Variants in ELP4 observed in about 807,000 individuals in gnomAD.
ELP4 encodes the protein elongator complex protein 4.
In ELP4, 51 loss-of-function variants were observed where a neutral mutation model predicts 48.9. The ratio of observed to expected loss-of-function variants is 1.04; its 90% CI spans 0.83 to 1.32. The LOEUF (loss-of-function observed/expected upper bound fraction) is 1.32. Among genes scored for constraint, ELP4 ranks in the 40% most tolerant of loss-of-function variants. The pLI, the probability that ELP4 is intolerant of heterozygous loss-of-function variation, is 0.00. For synonymous variants in ELP4, 210 were observed against 189.2 expected (o/e 1.11, Z -0.90); for missense variants, 519 against 514.6 (o/e 1.01, Z -0.08).
Position 31,787,855 on chromosome 11 carries a change from T to C in ELP4, c.*4331T>C. The C allele has an allele frequency of 4.5e-6, 1 of 224,330 alleles. No individual in the cohort carries two copies. The highest frequency in any genetic ancestry group is 8.9e-6 in the Non-Finnish European group (1 of 112,408). 13.9% of individuals were successfully genotyped at this position (224,330 alleles called of 1,614,324 possible). A position where few individuals can be genotyped will look rare whatever the true frequency, so the allele number is the denominator to read the frequency against. ...AGATATTGAACGAGAAGGTCATGTT[T>C]AAATCCTTCCATTAATTTCTACATT... On this transcript the variant is annotated 3_prime_UTR_variant, in exon 10 of 10. Transcript: ENST00000640961.
intron 7 of ELP4, among the ~76,000 whole-genome samples, chr11:31,641,161 G>A (rs1430794581): frequency 2.6e-5 from 4 of 151,878 alleles, no homozygotes; most frequent in Non-Finnish European, 5.9e-5. Context: ...CATAATATCT[G>A]TAAACTCAGA....
At chr11:31,707,085 G>A (rs999148921) in intron 9 of ELP4, 12 of 397,790 alleles carry the variant, frequency 3.0e-5, no homozygotes, top group Non-Finnish European at 5.3e-5. Context: ...CCTTTCCTTT[G>A]GAGAAATTCC....
intron 5 of ELP4, among the ~76,000 whole-genome samples, chr11:31,619,100 G>C (rs906006844): frequency 6.6e-6 from 1 of 151,916 alleles, no homozygotes; most frequent in Non-Finnish European, 1.5e-5. Context: ...GTAGTAGCTG[G>C]TAAATGAGAT....
chr11:31,781,755 C>G (rs192007295), intron 9 of ELP4, among the ~76,000 whole-genome samples: 1 of 152,098 alleles, frequency 6.6e-6, no homozygotes, highest in Non-Finnish European at 1.5e-5. Context: ...CCTCAGCTTC[C>G]CAAAGTGCTG....
At chr11:31,771,234 TAG>T (rs758323103) in intron 9 of ELP4, among the ~76,000 whole-genome samples, 8 of 152,190 alleles carry the variant, frequency 5.3e-5, no homozygotes, top group Non-Finnish European at 1.0e-4. Context: ...AGTCACTTAG[TAG>T]CTAGAATGTT....
At chr11:31,741,793 G>A (rs1445277110) in intron 9 of ELP4, among the ~76,000 whole-genome samples, 1 of 152,128 alleles carries the variant, frequency 6.6e-6, no homozygotes, top group Non-Finnish European at 1.5e-5. Context: ...ACAAAGATGG[G>A]AATAAAACAG....
chr11:31,515,434 G>C (rs1956093473), intron 1 of ELP4, among the ~76,000 whole-genome samples: 1 of 152,102 alleles, frequency 6.6e-6, no homozygotes, highest in Admixed American at 6.5e-5. Flanking sequence ...GCTAGTTTGA[G>C]CCCAGGAGTT....
intron 5 of ELP4, among the ~76,000 whole-genome samples, chr11:31,616,077 T>C (rs1380013704): frequency 3.3e-5 from 5 of 152,224 alleles, no homozygotes; most frequent in South Asian, 4.1e-4. Context: ...TTTAGTTTAC[T>C]TAAAGTTACA....
At chr11:31,776,213 T>A (rs924393979) in intron 9 of ELP4, among the ~76,000 whole-genome samples, 65 of 150,486 alleles carry the variant, frequency 4.3e-4, no homozygotes, top group Non-Finnish European at 1.0e-4. Flanking sequence ...CTTAGCCCTG[T>A]AATTCCTCAC....
At chr11:31,561,800 C>G (rs1490056511) in intron 3 of ELP4, among the ~76,000 whole-genome samples, 1 of 151,994 alleles carries the variant, frequency 6.6e-6, no homozygotes, top group Admixed American at 6.6e-5. Flanking sequence ...TATGTATAAA[C>G]TTAATAAAAT....
At chr11:31,619,588 G>C (rs570842833) in intron 5 of ELP4, among the ~76,000 whole-genome samples, 8 of 151,716 alleles carry the variant, frequency 5.3e-5, no homozygotes, top group Non-Finnish European at 8.8e-5. Context: ...TTTTAAGACA[G>C]TGTTAATCTA....
chr11:31,599,305 T>G (rs1020117878), intron 4 of ELP4: 4 of 152,224 alleles, frequency 2.6e-5, no homozygotes, highest in Non-Finnish European at 5.9e-5. Flanking sequence ...GTATCCAATT[T>G]AGAAAATAGA....
intron 9 of ELP4, among the ~76,000 whole-genome samples, chr11:31,709,655 TTA>T (rs1946700687): frequency 1.3e-5 from 2 of 152,268 alleles, no homozygotes; most frequent in African/African-American, 4.8e-5. Flanking sequence ...CCTTATTTCC[TTA>T]TCTTGAATAA....
At chr11:31,529,590 T>C (rs541482920) in intron 2 of ELP4, among the ~76,000 whole-genome samples, 1 of 152,300 alleles carries the variant, frequency 6.6e-6, no homozygotes, top group South Asian at 2.1e-4. Flanking sequence ...GCCCATCAAA[T>C]TAAATAGTGC....
At chr11:31,534,172 C>A (rs1041050421) in intron 2 of ELP4, among the ~76,000 whole-genome samples, 1 of 152,004 alleles carries the variant, frequency 6.6e-6, no homozygotes, top group Non-Finnish European at 1.5e-5. Context: ...CGTGGAATGA[C>A]ATTAGCATGG....
chr11:31,632,381 C>T lies in ELP4; in HGVS notation c.903C>T (p.Ile301=). ...LLRTSLSACI[I]TMPTHLIQNK... ...GAACCTCTCTTTCAGCCTGCATCAT[C>T]ACAATGCCAACACATCTGATCCAGG... is the stretch of plus-strand genomic sequence containing the variant. Residue 301 remains isoleucine, a synonymous_variant, in exon 7 of 10, where the codon ATC becomes ATT. Transcript: ENST00000640961. 6.2e-7 allele frequency: 1 copy of T among 1,611,544 alleles called. No homozygotes were observed. Among genetic ancestry groups the T allele is most frequent in the Non-Finnish European group, 8.5e-7 (1 of 1,179,106 alleles).
At chr11:31,741,059 A>G (rs1947434429) in intron 9 of ELP4, among the ~76,000 whole-genome samples, 1 of 151,998 alleles carries the variant, frequency 6.6e-6, no homozygotes, top group Non-Finnish European at 1.5e-5. Context: ...CACTTTTCCA[A>G]TGGGCTTAAA....
At chr11:31,770,936 T>C (rs1948129101) in intron 9 of ELP4, among the ~76,000 whole-genome samples, 1 of 152,096 alleles carries the variant, frequency 6.6e-6, no homozygotes, top group African/African-American at 2.4e-5. Context: ...AGTTTGTTCT[T>C]TGTCAATGCA....
chr11:31,707,610 T>C (rs1298576005), intron 9 of ELP4, among the ~76,000 whole-genome samples: 1 of 152,186 alleles, frequency 6.6e-6, no homozygotes, highest in Non-Finnish European at 1.5e-5. Flanking sequence ...ATATTATTTT[T>C]CTGTTACTGC....
Sources: gnomAD v4.1 joint callset for allele counts (sites outside exome capture counted in the v4.1 genomes callset) on GRCh38, gnomAD v4.1.1 for gene constraint, MANE v1.5 for transcripts, NCBI Gene and HGNC (gene_info 2026-07-23, HGNC 2026-07-21) for gene names.